The following BIVM variants were observed in gnomAD, a reference collection of about 807,000 sequenced individuals.
BIVM encodes basic immunoglobulin-like variable motif-containing protein.
Under a neutral mutation model 61.4 loss-of-function variants are expected in BIVM, and 31 were observed. The ratio of observed to expected loss-of-function variants is 0.51; its 90% CI spans 0.38 to 0.68. The LOEUF (loss-of-function observed/expected upper bound fraction) is 0.68. Ranked by LOEUF, BIVM falls within the 30% of genes least tolerant of loss-of-function variation. The probability of loss-of-function intolerance (pLI) is 0.00; values close to 1 mark genes in which losing one functional copy is unlikely to be tolerated. For missense variants in BIVM, 526 were observed against 596.0 expected (o/e 0.88, Z 1.22); for synonymous variants, 189 against 210.7 (o/e 0.90, Z 0.89).
intron 7 of BIVM, among the ~76,000 whole-genome samples, chr13:102,827,740 C>A (rs1187519830): frequency 6.6e-6 from 1 of 152,082 alleles, no homozygotes; most frequent in Non-Finnish European, 1.5e-5. Flanking sequence ...AGCTCCTTGA[C>A]CATAGGGACT....
In BIVM at chr13:102,839,774, A is replaced by G; in HGVS notation, c.1421A>G (p.His474Arg). 1 of 1,614,216 alleles carries G rather than the reference A, an allele frequency of 6.2e-7. No homozygotes were observed. Among genetic ancestry groups the G allele is most frequent in the Non-Finnish European group, 8.5e-7 (1 of 1,180,040 alleles). ...GGCCGGTCTTTCAGTGCTAGTTTCC[A>G]TCAGGACTCGGCATGGAAAAAGATG... The part of the protein sequence containing the change: ...RLGRSFSASF[H>R]QDSAWKKMSS... Residue 474 changes from histidine to arginine, a missense_variant, in exon 11 of 11, where the codon CAT becomes CGT. This residue lies in a region of BIVM where 210 missense variants were observed against 233.1 expected (regional missense o/e 0.90). Transcript: ENST00000257336.
At position 102,838,497 on chromosome 13, in the gene BIVM, T is replaced by G. The variant is rs146162262; in HGVS notation, c.1122-146T>G. 1.3e-5 allele frequency: 8 copies of G among 631,200 alleles called. No homozygotes were observed. The African/African-American group carries it at 1.3e-4, about 10-fold the overall frequency. The allele number at this position is 631,200 out of a possible 1,614,324, so 39.1% of individuals were successfully genotyped here. A position where few individuals can be genotyped will look rare whatever the true frequency, so the allele number is the denominator to read the frequency against. ...CATAAAACTAGAAGTTATTACAGTTTAGTAGATGAAACAATGTTGAGATAA... is the reference window on the plus strand; with the variant it reads ...CATAAAACTAGAAGTTATTACAGTTGAGTAGATGAAACAATGTTGAGATAA... On this transcript the variant is annotated intron_variant, in intron 9 of 10. Transcript: ENST00000257336.
At chr13:102,819,919 G>T (rs1536378) in intron 4 of BIVM, among the ~76,000 whole-genome samples, 148,645 of 152,294 alleles carry the variant, frequency 0.98, 72,559 homozygotes, top group Non-Finnish European at 0.99. Context: ...TGATGATAGG[G>T]CTTGTTTCTT....
At chr13:102,830,603 A>G (rs1566454482) in intron 7 of BIVM, among the ~76,000 whole-genome samples, 1 of 152,150 alleles carries the variant, frequency 6.6e-6, no homozygotes, top group Non-Finnish European at 1.5e-5. Flanking sequence ...GTCTCTGTAG[A>G]GATGTTATCT....
intron 1 of BIVM, among the ~76,000 whole-genome samples, chr13:102,800,106 C>T (rs1028364644): frequency 6.6e-6 from 1 of 152,212 alleles, no homozygotes; most frequent in Non-Finnish European, 1.5e-5. Context: ...CGAGCCAAGG[C>T]GGGCCTGGTT....
At chr13:102,809,925 A>C (rs994574382) in intron 3 of BIVM, among the ~76,000 whole-genome samples, 2 of 151,866 alleles carry the variant, frequency 1.3e-5, no homozygotes, top group African/African-American at 4.8e-5. Context: ...ACCTGGGACT[A>C]CAGGCGCCTG....
At chr13:102,822,012 G>A in intron 6 of BIVM, 53 bp from the exon 7 acceptor site, 5 of 1,597,272 alleles carry the variant, frequency 3.1e-6, no homozygotes, top group Non-Finnish European at 4.3e-6. Context: ...TTGGAATAAT[G>A]CCATCTTTGT....
At chr13:102,801,270 G>T (rs1039310711) in intron 1 of BIVM, among the ~76,000 whole-genome samples, 2 of 148,084 alleles carry the variant, frequency 1.4e-5, no homozygotes, top group Non-Finnish European at 3.0e-5. Context: ...TTTTTGAGAC[G>T]GAGTTTTGCT....
chr13:102,834,581 A>C (rs1881335991), intron 9 of BIVM, 29 bp downstream of exon 9: 1 of 1,557,010 alleles, frequency 6.4e-7, no homozygotes, highest in South Asian at 1.2e-5. Flanking sequence ...ATTTTCTTTA[A>C]TTGAGGTAAC....
intron 7 of BIVM, among the ~76,000 whole-genome samples, chr13:102,825,928 A>C (rs1415902622): frequency 6.6e-6 from 1 of 152,132 alleles, no homozygotes; most frequent in Non-Finnish European, 1.5e-5. Context: ...TTCTTGGTGC[A>C]CCGTATGGTT....
In BIVM at chr13:102,839,553, A is replaced by T; in HGVS notation, c.1219-19A>T. The T allele has an allele frequency of 6.2e-7, 1 of 1,609,868 alleles. No homozygotes were observed. The highest frequency in any genetic ancestry group is 8.5e-7 in the Non-Finnish European group (1 of 1,177,834). ...TAATTTCCCTTTATTTTCTTCAGCC[A>T]ACATTTTTTTCTTCTCAGGTTGGGG... On this transcript the variant is annotated intron_variant, in intron 10 of 10. Transcript: ENST00000257336.
chr13:102,801,875 T>G (rs1442139268), intron 1 of BIVM: 1 of 151,980 alleles, frequency 6.6e-6, no homozygotes, highest in Non-Finnish European at 1.5e-5. Context: ...CCCCAGAAAG[T>G]GACATTTGAG....
chr13:102,825,136 G>A (rs1029289451), intron 7 of BIVM, among the ~76,000 whole-genome samples: 1 of 151,920 alleles, frequency 6.6e-6, no homozygotes, highest in Non-Finnish European at 1.5e-5. Flanking sequence ...TAGTAGAGAT[G>A]GGGTTTCACC....
chr13:102,809,714 A>T (rs1001821094), intron 3 of BIVM, among the ~76,000 whole-genome samples: 2 of 152,098 alleles, frequency 1.3e-5, no homozygotes, highest in African/African-American at 4.8e-5. Flanking sequence ...GTTTAGTGGC[A>T]TTAAGTACAT....
intron 7 of BIVM, among the ~76,000 whole-genome samples, chr13:102,826,870 A>T (rs1330140783): frequency 6.6e-6 from 1 of 152,236 alleles, no homozygotes; most frequent in Non-Finnish European, 1.5e-5. Context: ...AGACCCAGAG[A>T]AATTAGAATA....
Position 102,815,058 on chromosome 13 carries a change from A to C in BIVM, c.479-1370A>C, listed in dbSNP as rs115114444. Among the ~76,000 whole-genome samples the C allele has an allele frequency of 5.7e-3, 870 of 152,232 alleles. 8 individuals carry two copies. The highest frequency in any genetic ancestry group is 0.019 in the African/African-American group (793 of 41,494). The stretch of plus-strand genomic sequence containing the variant: ...GACCTTGTCTCAAAACAAACAAACA[A>C]ACAAACAAACAAAAAGAATAATTAA... On this transcript the variant is annotated intron_variant, in intron 3 of 10. Transcript: ENST00000257336.
At chr13:102,836,888 A>G (rs1185372234) in intron 9 of BIVM, among the ~76,000 whole-genome samples, 1 of 152,130 alleles carries the variant, frequency 6.6e-6, no homozygotes, top group Non-Finnish European at 1.5e-5. Flanking sequence ...CTTTTTCTTA[A>G]AGATTGTTTT....
At chr13:102,803,705 T>C (rs1024926301) in intron 1 of BIVM, among the ~76,000 whole-genome samples, 4 of 152,124 alleles carry the variant, frequency 2.6e-5, no homozygotes, top group Middle Eastern at 6.8e-3. Context: ...ACCGAGACTA[T>C]ATGCTCTTTC....
At position 102,841,511 on chromosome 13, in the gene BIVM, A is replaced by C. The variant is rs941060641; in HGVS notation, c.*1646A>C. ...AACTTTTAAAAAGATTTCATCAAATAAAGTTTTGTTTTCTACTTTTAATTA... is the reference window on the plus strand; with the variant it reads ...AACTTTTAAAAAGATTTCATCAAATCAAGTTTTGTTTTCTACTTTTAATTA... On this transcript the variant is annotated 3_prime_UTR_variant, in exon 11 of 11. Transcript: ENST00000257336. The C allele has an allele frequency of 3.9e-5, 6 of 152,630 alleles. No homozygotes were observed. Among genetic ancestry groups the C allele is most frequent in the African/African-American group, 1.4e-4 (6 of 41,452 alleles). 9.5% of individuals were successfully genotyped at this position (152,630 alleles called of 1,614,324 possible).
Sources: allele counts gnomAD v4.1 joint callset (sites outside exome capture counted in the v4.1 genomes callset), GRCh38; gene constraint gnomAD v4.1.1; regional missense constraint gnomAD v4.1.1; transcripts MANE v1.5; gene names NCBI Gene and HGNC (gene_info 2026-07-23, HGNC 2026-07-21).